Variants in COCH observed in about 807,000 individuals in gnomAD.
The protein encoded by COCH is cochlin.
Under a neutral mutation model 54.8 loss-of-function variants are expected in COCH, and 40 were observed. That is an observed-to-expected ratio of 0.73 (90% CI 0.57 to 0.95). The LOEUF (loss-of-function observed/expected upper bound fraction) is 0.95, where lower values mean the gene tolerates loss of function less well. COCH is among the 40% of genes least tolerant of loss of function. The pLI, the probability that COCH is intolerant of heterozygous loss-of-function variation, is 0.00. For missense variants in COCH, 605 were observed against 675.0 expected, an observed-to-expected ratio of 0.90 and a Z score of 1.15; for synonymous variants, 256 against 237.9, an observed-to-expected ratio of 1.08 and a Z score of -0.70.
At chr14:30,880,823 T>G in intron 8 of COCH, 89 bp downstream of exon 8, 1 of 982,584 alleles carries the variant, frequency 1.0e-6, no homozygotes, top group South Asian at 1.3e-5. Flanking sequence ...GGGTACATAG[T>G]GATGTTTTCA....
In COCH at chr14:30,877,855, G is replaced by T; in HGVS notation, c.239+127G>T. ...GTTGCCATTGTGGCCACAGAAAATG[G>T]ATATATTTTCACGGTTCTCCTGGAT... is the stretch of plus-strand genomic sequence containing the variant. On this transcript the variant is annotated intron_variant, in intron 4 of 11. Transcript: ENST00000396618. This position sits in a 1 kb window ranked among gnomAD's most constrained non-coding sequence, Gnocchi z 8.6. 6.7e-7 allele frequency: 1 copy of T among 1,495,776 alleles called. No homozygotes were observed. The highest frequency in any genetic ancestry group is 1.2e-5 in the South Asian group (1 of 83,692). The allele number at this position is 1,495,776 out of a possible 1,614,324, so 92.7% of individuals were successfully genotyped here. A position where few individuals can be genotyped will look rare whatever the true frequency, so the allele number is the denominator to read the frequency against.
Position 30,884,545 on chromosome 14 carries a change from C to G in COCH, c.630-8C>G. The G allele has an allele frequency of 6.4e-7, 1 of 1,569,130 alleles. No individual in the cohort carries two copies. Among genetic ancestry groups the G allele is most frequent in the Non-Finnish European group, 8.8e-7 (1 of 1,139,296 alleles). On this transcript the variant is annotated splice_region_variant and splice_polypyrimidine_tract_variant and intron_variant, in intron 8 of 11. Coordinates refer to ENST00000396618, the MANE Select transcript of COCH (RefSeq NM_004086.3). Reference sequence around the variant, plus strand: ...CTCCCTGAATAACATTTTCTTTCTTCCACTCAGTGAACATCCCAAAATAGA... The same window carrying G: ...CTCCCTGAATAACATTTTCTTTCTTGCACTCAGTGAACATCCCAAAATAGA...
At chr14:30,874,792 C>A in intron 1 of COCH, 124 bp from the exon 2 acceptor site, 1 of 872,686 alleles carries the variant, frequency 1.1e-6, no homozygotes, top group Non-Finnish European at 1.9e-6. Flanking sequence ...CCTGGAGCAG[C>A]GGGTCGTCTG....
rs1250445041 is a variant in COCH at position 30,890,397 on chromosome 14, G to A, written c.*606G>A. 2.0e-6 allele frequency: 2 copies of A among 984,402 alleles called. No individual in the cohort carries two copies. Among genetic ancestry groups the A allele is most frequent in the Non-Finnish European group, 2.4e-6 (2 of 829,042 alleles). The allele number at this position is 984,402 out of a possible 1,614,324, so 61.0% of individuals were successfully genotyped here. A position where few individuals can be genotyped will look rare whatever the true frequency, so the allele number is the denominator to read the frequency against. Reference sequence around the variant, plus strand: ...ACTAAAAATATCACACTGAATAAGAGAGCAGGATTGCCAGGTATTTTTCTA... The same window carrying A: ...ACTAAAAATATCACACTGAATAAGAAAGCAGGATTGCCAGGTATTTTTCTA... On this transcript the variant is annotated 3_prime_UTR_variant, in exon 12 of 12. Coordinates refer to ENST00000396618, the MANE Select transcript of COCH (RefSeq NM_004086.3).
intron 11 of COCH, among the ~76,000 whole-genome samples, chr14:30,887,042 GTT>G: frequency 6.6e-6 from 1 of 152,080 alleles, no homozygotes; most frequent in Admixed American, 6.6e-5. Context: ...TTTTAGTCAA[GTT>G]TTGTCTGGCA....
Position 30,877,830 on chromosome 14 carries a change from G to C in COCH, c.239+102G>C. The C allele has an allele frequency of 6.4e-7, 1 of 1,572,432 alleles. No homozygotes were observed. Among genetic ancestry groups the C allele is most frequent in the Non-Finnish European group, 8.6e-7 (1 of 1,159,444 alleles). On this transcript the variant is annotated intron_variant, in intron 4 of 11. Transcript: ENST00000396618. This position sits in a 1 kb window ranked among gnomAD's most constrained non-coding sequence, Gnocchi z 8.6. ...CTTTCCTCCCTGCATTCTTTCTTTT[G>C]TTGCCATTGTGGCCACAGAAAATGG...
chr14:30,890,995 C>T (rs539904128), downstream of COCH, among the ~76,000 whole-genome samples: 3 of 151,980 alleles, frequency 2.0e-5, no homozygotes, highest in South Asian at 2.1e-4. Flanking sequence ...GCCATGATCA[C>T]ACCACTGCAC....
At chr14:30,888,290 G>A (rs1426633252) in intron 11 of COCH, among the ~76,000 whole-genome samples, 2 of 151,622 alleles carry the variant, frequency 1.3e-5, no homozygotes, top group South Asian at 2.1e-4. Context: ...AAGGAGACTG[G>A]AACAATTGGA....
Position 30,878,298 on chromosome 14 carries a change from T to A in COCH, c.240-513T>A, listed in dbSNP as rs28400031. On this transcript the variant is annotated intron_variant, in intron 4 of 11. Transcript: ENST00000396618. ...TTACAAATGTGTTCTTATCAACACT[T>A]AAGAAGTTCAACAGCACAAAACCAT... 4.4e-3 allele frequency among the ~76,000 whole-genome samples: 671 copies of A among 152,336 alleles called. 6 individuals are homozygous for A. Among genetic ancestry groups the A allele is most frequent in the African/African-American group, 0.016 (648 of 41,580 alleles).
downstream of COCH, among the ~76,000 whole-genome samples, chr14:30,892,412 T>G (rs1594395121): frequency 1.3e-5 from 2 of 152,202 alleles, no homozygotes; most frequent in South Asian, 4.1e-4. Context: ...TTATTCTTTA[T>G]TTCAAAAAAG....
downstream of COCH, chr14:30,893,824 T>A (rs1172787949): frequency 2.0e-5 from 3 of 152,556 alleles, no homozygotes; most frequent in Non-Finnish European, 4.4e-5. Context: ...AGTTTAATTA[T>A]GGAGAATAAA....
intron 5 of COCH, among the ~76,000 whole-genome samples, 156 bp downstream of exon 5, chr14:30,879,100 A>T (rs1272451637): frequency 1.3e-5 from 2 of 152,216 alleles, no homozygotes; most frequent in Non-Finnish European, 2.9e-5. Context: ...CTGAGGGGTC[A>T]AGTACCCACT....
At chr14:30,887,644 T>G (rs1436703504) in intron 11 of COCH, among the ~76,000 whole-genome samples, 3 of 152,142 alleles carry the variant, frequency 2.0e-5, no homozygotes, top group Non-Finnish European at 4.4e-5. Context: ...TCAATGGACT[T>G]GTTTTTTTTA....
chr14:30,879,582 GAT>G, intron 6 of COCH, 97 bp downstream of exon 6: 1 of 1,258,022 alleles, frequency 7.9e-7, no homozygotes, highest in Admixed American at 1.7e-5. Flanking sequence ...AAAGAAATTT[GAT>G]ATTAAAGAGA....
downstream of COCH, among the ~76,000 whole-genome samples, chr14:30,892,931 A>G (rs1896021167): frequency 6.6e-6 from 1 of 152,158 alleles, no homozygotes. Flanking sequence ...TTCTTCCCCC[A>G]GCAACAGCAG....
At chr14:30,878,708 T>C (rs1030531280) in intron 4 of COCH, 103 bp from the exon 5 acceptor site, 22 of 1,526,530 alleles carry the variant, frequency 1.4e-5, no homozygotes, top group Admixed American at 1.4e-4. Flanking sequence ...GATGAGCTAT[T>C]TTCTTGATTA....
downstream of COCH, chr14:30,894,713 C>T: frequency 5.7e-6 from 1 of 176,200 alleles, no homozygotes; most frequent in Non-Finnish European, 1.2e-5. Context: ...AAAGTGGTTA[C>T]AGGGCAACGG....
intron 8 of COCH, among the ~76,000 whole-genome samples, chr14:30,881,043 C>A (rs905074615): frequency 1.3e-5 from 2 of 151,634 alleles, no homozygotes; most frequent in Non-Finnish European, 2.9e-5. Flanking sequence ...TGTGAAACAC[C>A]GTCTCTACTA....
At position 30,885,926 on chromosome 14, in the gene COCH, A is replaced by C. The variant is rs759299023; in HGVS notation, c.1091A>C (p.Asn364Thr). The change falls in exon 11 of 12, where the codon AAC becomes ACC. Residue 364 changes from asparagine (N) to threonine (T), a missense_variant. Physicochemically the swap from Asn to Thr is moderately conservative, Grantham distance 65. Transcript: ENST00000396618. ...EQMMCSKTCY[N>T]SVNIAFLIDG... ...ATGATGTGCAGCAAGACCTGTTATA[A>C]CTCAGTGAACATTGCCTTTCTAATT... 2 of 1,614,198 alleles carry C rather than the reference A, an allele frequency of 1.2e-6. No individual in the cohort carries two copies. The highest frequency in any genetic ancestry group is 2.2e-5 in the South Asian group (2 of 91,084).
Sources: gnomAD v4.1 joint callset for allele counts (sites outside exome capture counted in the v4.1 genomes callset) on GRCh38, gnomAD v4.1.1 for gene constraint, Gnocchi (gnomAD v3.1) non-coding constraint, MANE v1.5 for transcripts, NCBI Gene and HGNC (gene_info 2026-07-23, HGNC 2026-07-21) for gene names.